The following TEK variants were observed in gnomAD, a reference collection of about 807,000 sequenced individuals.
The protein encoded by TEK is angiopoietin-1 receptor.
TEK carries 43 observed loss-of-function variants against 131.8 expected under a neutral mutation model. That is an observed-to-expected ratio of 0.33 (90% CI 0.26 to 0.42). The LOEUF (loss-of-function observed/expected upper bound fraction) is 0.42. TEK is among the 10% of genes least tolerant of loss of function. The probability of loss-of-function intolerance (pLI) is 1.00; values close to 1 mark genes in which losing one functional copy is unlikely to be tolerated. For missense variants in TEK, 1,162 were observed against 1,384.4 expected, an observed-to-expected ratio of 0.84 and a Z score of 2.55; for synonymous variants, 580 against 491.6, an observed-to-expected ratio of 1.18 and a Z score of -2.38.
rs72713742 is a variant in TEK, at chr9:27,196,144, A to G, written c.1625-1171A>G. The stretch of plus-strand genomic sequence containing the variant: ...TCTCCCATAATCCCATAACCTTGGC[A>G]AATCTACTGTTTTGATTTTTATCAG... On this transcript the variant is annotated intron_variant, in intron 11 of 22. Transcript: ENST00000380036. 5.9e-3 allele frequency among the ~76,000 whole-genome samples: 899 copies of G among 152,326 alleles called. 5 individuals carry two copies. Among genetic ancestry groups the G allele is most frequent in the Non-Finnish European group, 9.2e-3 (626 of 68,030 alleles).
intron 11 of TEK, among the ~76,000 whole-genome samples, chr9:27,193,999 G>A (rs1190682263): frequency 6.6e-6 from 1 of 151,996 alleles, no homozygotes; most frequent in South Asian, 2.1e-4. Flanking sequence ...GTAGAGACGG[G>A]GTCTTGCTTT....
chr9:27,218,790 G>A lies in TEK; in HGVS notation c.3076G>A (p.Val1026Met). Reference sequence around the variant, plus strand: ...TCCCTCCTGCAGATGGTCCTATGGTGTGTTACTATGGGAGATTGTTAGCTT... The same window carrying A: ...TCCCTCCTGCAGATGGTCCTATGGTATGTTACTATGGGAGATTGTTAGCTT... Reference protein sequence around the residue: ...TTNSDVWSYGVLLWEIVSLGG... With the variant: ...TTNSDVWSYGMLLWEIVSLGG... The change falls in exon 20 of 23, where the codon GTG becomes ATG. Residue 1026 changes from valine to methionine, a missense_variant. Physicochemically the swap from Val to Met is conservative, Grantham distance 21. Around this residue, in one of 6 missense-constraint regions of TEK, gnomAD observed 107 missense variants for 173.9 expected, o/e 0.62. Coordinates refer to ENST00000380036, the MANE Select transcript of TEK (RefSeq NM_000459.5). 6.2e-7 allele frequency: 1 copy of A among 1,614,016 alleles called. No homozygotes were observed. The highest frequency in any genetic ancestry group is 8.5e-7 in the Non-Finnish European group (1 of 1,179,962).
chr9:27,191,877 T>TC (rs2131185787), intron 10 of TEK: 1 of 449,140 alleles, frequency 2.2e-6, no homozygotes, highest in South Asian at 1.6e-5. Flanking sequence ...CAGTTTTTTT[T>TC]CTTACCAAGT....
chr9:27,158,906 G>A (rs373315237), intron 2 of TEK, among the ~76,000 whole-genome samples: 11 of 152,246 alleles, frequency 7.2e-5, no homozygotes, highest in African/African-American at 2.4e-4. Context: ...TGATCTGCCC[G>A]CCATGGCCTC....
At chr9:27,138,044 G>GGTGGCGCAT (rs967060474) in intron 1 of TEK, among the ~76,000 whole-genome samples, 10 of 152,098 alleles carry the variant, frequency 6.6e-5, no homozygotes, top group African/African-American at 2.4e-4. Context: ...AGCTCTTAAA[G>GGTGGCGCAT]GTGGCGCATC....
At chr9:27,192,362 CCT>C (rs1824852223) in intron 10 of TEK, 125 bp from the exon 11 acceptor site, 11 of 1,041,884 alleles carry the variant, frequency 1.1e-5, no homozygotes, top group Non-Finnish European at 1.6e-5. Flanking sequence ...GATGGAATTG[CCT>C]CTCTGTTTCA....
chr9:27,151,419 G>C (rs1564062072), intron 1 of TEK, among the ~76,000 whole-genome samples: 1 of 152,116 alleles, frequency 6.6e-6, no homozygotes, highest in Non-Finnish European at 1.5e-5. Context: ...CTAGAATTGA[G>C]TCCTACTAAA....
chr9:27,193,421 C>T (rs374403239), intron 11 of TEK, among the ~76,000 whole-genome samples: 1 of 152,126 alleles, frequency 6.6e-6, no homozygotes, highest in Non-Finnish European at 1.5e-5. Context: ...TGGGTCCACA[C>T]GTTCTAGATA....
At chr9:27,170,046 T>C (rs1415751078) in intron 4 of TEK, among the ~76,000 whole-genome samples, 1 of 152,062 alleles carries the variant, frequency 6.6e-6, no homozygotes, top group Non-Finnish European at 1.5e-5. Flanking sequence ...TTTACAATCA[T>C]GGCAAAAGAG....
At chr9:27,154,870 G>A (rs1167949941) in intron 1 of TEK, among the ~76,000 whole-genome samples, 10 of 152,180 alleles carry the variant, frequency 6.6e-5, no homozygotes, top group African/African-American at 2.2e-4. Flanking sequence ...TGAAAGTAAA[G>A]GGAGATCTCT....
intron 11 of TEK, chr9:27,195,624 A>C (rs975177430): frequency 6.6e-6 from 3 of 455,630 alleles, no homozygotes; most frequent in African/African-American, 2.0e-5. Context: ...GAATTTAAAA[A>C]TCAATTTACT....
chr9:27,175,796 G>A (rs926661452), intron 6 of TEK, among the ~76,000 whole-genome samples: 4 of 152,218 alleles, frequency 2.6e-5, no homozygotes, highest in African/African-American at 9.6e-5. Context: ...CTTTAGAGAA[G>A]TGTCTCTTCA....
At chr9:27,171,309 C>T (rs57788976) in intron 4 of TEK, among the ~76,000 whole-genome samples, 1,592 of 152,270 alleles carry the variant, frequency 0.01, 25 homozygotes, top group African/African-American at 0.036. Flanking sequence ...TGTCATTCCT[C>T]TAACGATTGC....
Position 27,109,444 on chromosome 9 carries a change from T to G in TEK, c.-147T>G. 1 of 814,558 alleles carries G rather than the reference T, an allele frequency of 1.2e-6. No individual in the cohort carries two copies. Among genetic ancestry groups the G allele is most frequent in the Non-Finnish European group, 2.2e-6 (1 of 460,878 alleles). 50.5% of individuals were successfully genotyped at this position (814,558 alleles called of 1,614,324 possible). On this transcript the variant is annotated 5_prime_UTR_variant, in exon 1 of 23. Transcript: ENST00000380036. ...CAGAAATGAGACTGTTACAGCCTGCTTCTGTGCTGTTCCTTCTTGCCTCTA... is the reference window on the plus strand; with the variant it reads ...CAGAAATGAGACTGTTACAGCCTGCGTCTGTGCTGTTCCTTCTTGCCTCTA...
intron 2 of TEK, among the ~76,000 whole-genome samples, chr9:27,159,469 T>A (rs1453623783): frequency 3.3e-5 from 5 of 152,172 alleles, no homozygotes; most frequent in Admixed American, 3.3e-4. Context: ...ATTAGGGCCC[T>A]CTTTGCAGGC....
Position 27,200,623 on chromosome 9 carries a change from T to C in TEK, c.1910-2197T>C, listed in dbSNP as rs144758310. Among the ~76,000 whole-genome samples, 214 of 152,300 alleles carry C rather than the reference T, an allele frequency of 1.4e-3. 1 individual carries two copies. The highest frequency in any genetic ancestry group is 4.1e-3 in the African/African-American group (169 of 41,546). On this transcript the variant is annotated intron_variant, in intron 12 of 22. Coordinates refer to ENST00000380036, the MANE Select transcript of TEK (RefSeq NM_000459.5). ...GCTGTGTTGTCATTGATCATGTATG[T>C]TCATAAGTAAAATTAATACTTCCAG...
In TEK at chr9:27,206,648, C is replaced by G. The variant is rs747459353; in HGVS notation, c.2431C>G (p.Pro811Ala). The G allele has an allele frequency of 1.9e-6, 3 of 1,613,810 alleles. No homozygotes were observed. The highest frequency in any genetic ancestry group is 1.3e-5 in the African/African-American group (1 of 74,856). The change falls in exon 15 of 23, where the codon CCA becomes GCA. Residue 811 changes from proline (P) to alanine (A), a missense_variant. Physicochemically the swap from Pro to Ala is conservative, Grantham distance 27 (BLOSUM62 -1). Coordinates refer to ENST00000380036, the MANE Select transcript of TEK (RefSeq NM_000459.5). The part of the protein sequence containing the change: ...LALNRKVKNN[P>A]DPTIYPVLDW... ...CCTAAACAGGAAGGTCAAAAACAACCCAGATCCTACAATTTATCCAGTGCT... is the reference window on the plus strand; with the variant it reads ...CCTAAACAGGAAGGTCAAAAACAACGCAGATCCTACAATTTATCCAGTGCT...
Position 27,173,229 on chromosome 9 carries a change from A to T in TEK, c.768A>T (p.Glu256Asp), listed in dbSNP as rs1236280412. ...TTTCTTTTCCTCCCAAAGCTTGTGA[A>T]CTGCACACGTTTGGCAGAACTTGTA... ...FMGRTCEKAC[E>D]LHTFGRTCKE... is the part of the protein sequence containing the mutation. Residue 256 changes from glutamate (E) to aspartate (D), a missense_variant, in exon 6 of 23, where the codon GAA (glutamate) becomes GAT (aspartate). Transcript: ENST00000380036. 1 of 1,614,010 alleles carries T rather than the reference A, an allele frequency of 6.2e-7. No individual in the cohort carries two copies. Among genetic ancestry groups the T allele is most frequent in the South Asian group, 1.1e-5 (1 of 91,082 alleles).
At chr9:27,192,289 T>A (rs1824849736) in intron 10 of TEK, among the ~76,000 whole-genome samples, 200 bp from the exon 11 acceptor site, 3 of 152,146 alleles carry the variant, frequency 2.0e-5, no homozygotes. Context: ...AATGTGTACA[T>A]TGTAACCTGG....
Sources: gnomAD v4.1 joint callset for allele counts (sites outside exome capture counted in the v4.1 genomes callset) on GRCh38, gnomAD v4.1.1 for gene constraint, gnomAD v4.1.1 regional missense constraint, MANE v1.5 for transcripts, NCBI Gene and HGNC (gene_info 2026-07-23, HGNC 2026-07-21) for gene names.